The following LRIF1 variants were observed in gnomAD, a reference collection of about 807,000 sequenced individuals.
The protein encoded by LRIF1 is ligand dependent nuclear receptor interacting factor 1, also known as ligand-dependent nuclear receptor-interacting factor 1.
Under a neutral mutation model 52.7 loss-of-function variants are expected in LRIF1, and 32 were observed. The ratio of observed to expected loss-of-function variants is 0.61; its 90% CI spans 0.46 to 0.82. The LOEUF is 0.82. Ranked by LOEUF, LRIF1 falls within the 40% of genes least tolerant of loss-of-function variation. The probability of loss-of-function intolerance (pLI) is 0.00; values close to 1 mark genes in which losing one functional copy is unlikely to be tolerated. For synonymous variants in LRIF1, 323 were observed against 317.4 expected (o/e 1.02, Z -0.19); for missense variants, 887 against 892.0 (o/e 0.99, Z 0.07).
the LRIF1 span, among the ~76,000 whole-genome samples, chr1:110,883,880 C>A: frequency 6.6e-6 from 1 of 151,782 alleles, no homozygotes; most frequent in Non-Finnish European, 1.5e-5. Flanking sequence ...TAGTGTTGTT[C>A]TCTCAATCCT....
the LRIF1 span, among the ~76,000 whole-genome samples, chr1:110,894,132 G>A: frequency 6.6e-6 from 1 of 152,210 alleles, no homozygotes; most frequent in East Asian, 1.9e-4. Context: ...GAAGACAGTT[G>A]ATCTGCCCTC....
chr1:110,950,064 TTTC>T lies in LRIF1; in HGVS notation c.1653_1655del (p.Lys552del), dbSNP rs780740908. ...CCTTATTACTTCTTCCTTGAGAATC[TTTC>T]TTGTCATTTCTTCCTTGGGCACCTT... On this transcript the variant is annotated inframe_deletion, in exon 3 of 4. Transcript: ENST00000369763. 4 of 1,614,030 alleles carry T rather than the reference TTTC, an allele frequency of 2.5e-6. No homozygotes were observed. In the East Asian group the frequency reaches 6.7e-5, roughly 27 times the overall value.
the LRIF1 span, among the ~76,000 whole-genome samples, chr1:110,928,850 G>A: frequency 6.6e-6 from 1 of 152,118 alleles, no homozygotes; most frequent in Non-Finnish European, 1.5e-5. Context: ...CAGACAGATG[G>A]GGAAAATTAA....
chr1:110,876,034 G>C, the LRIF1 span, among the ~76,000 whole-genome samples: 2 of 152,140 alleles, frequency 1.3e-5, no homozygotes, highest in Non-Finnish European at 2.9e-5. Context: ...TATGACACAA[G>C]CATACATTTT....
chr1:110,895,356 T>G, the LRIF1 span, among the ~76,000 whole-genome samples: 1 of 152,204 alleles, frequency 6.6e-6, no homozygotes, highest in South Asian at 2.1e-4. Flanking sequence ...TTTCCAAAAT[T>G]TTACTGAAAA....
chr1:110,922,901 C>A, the LRIF1 span, among the ~76,000 whole-genome samples: 129 of 152,330 alleles, frequency 8.5e-4, no homozygotes, highest in Middle Eastern at 3.4e-3. Flanking sequence ...CCAGACTCTG[C>A]TTCCATCGTA....
chr1:110,892,368 C>T, the LRIF1 span: 4 of 1,613,950 alleles, frequency 2.5e-6, no homozygotes, highest in Non-Finnish European at 3.4e-6. Flanking sequence ...GCATTTTGGG[C>T]TTTGGGATCT....
At chr1:110,917,172 C>T in the LRIF1 span, among the ~76,000 whole-genome samples, 2 of 152,314 alleles carry the variant, frequency 1.3e-5, no homozygotes, top group Admixed American at 1.3e-4. Context: ...AAAGTTTCTC[C>T]TGCAGGACAC....
At chr1:110,915,146 A>G in the LRIF1 span, among the ~76,000 whole-genome samples, 1 of 152,248 alleles carries the variant, frequency 6.6e-6, no homozygotes, top group Non-Finnish European at 1.5e-5. Flanking sequence ...TTCTAACAAC[A>G]TAGATGAATC....
the LRIF1 span, among the ~76,000 whole-genome samples, chr1:110,902,517 A>AAAAAAAAAAAAAAG: frequency 3.1e-4 from 32 of 104,664 alleles, no homozygotes; most frequent in Non-Finnish European, 5.8e-4. Context: ...AAAAAAAAAA[A>AAAAAAAAAAAAAAG]AAAGAAATAC....
intron 1 of LRIF1, among the ~76,000 whole-genome samples, chr1:110,960,952 A>G (rs982343561): frequency 1.3e-5 from 2 of 152,184 alleles, no homozygotes; most frequent in African/African-American, 2.4e-5. Context: ...CCTATTTCCA[A>G]TAGATGAAGT....
At position 110,950,020 on chromosome 1, in the gene LRIF1, T is replaced by C. The variant is rs762469750; in HGVS notation, c.1700A>G (p.Asp567Gly). ...GCCAAATATCTTTTTAAATTCAGCA[T>C]CACTCTTCAGATGTAATGCCTTATT... ...RSNKALHLKS[D>G]AEFKKIFGLT... Residue 567 changes from aspartate (D) to glycine (G), a missense_variant, in exon 3 of 4, where the codon GAT becomes GGT. Coordinates refer to ENST00000369763, the MANE Select transcript of LRIF1 (RefSeq NM_018372.4). The C allele has an allele frequency of 3.1e-6, 5 of 1,614,024 alleles. No homozygotes were observed. The highest frequency in any genetic ancestry group is 3.4e-6 in the Non-Finnish European group (4 of 1,180,008).
chr1:110,939,491 A>G, the LRIF1 span: 1 of 151,980 alleles, frequency 6.6e-6, no homozygotes, highest in Non-Finnish European at 1.5e-5. Flanking sequence ...AAAACTATCC[A>G]AAAACTTATA....
At chr1:110,891,547 GCTGGTGTGGGGTAA>G in the LRIF1 span, 2 of 1,114,208 alleles carry the variant, frequency 1.8e-6, no homozygotes, top group Non-Finnish European at 2.7e-6. Context: ...TACTGAAGAG[GCTGGTGTGGGGTAA>G]AATGCATGCG....
chr1:110,957,821 T>C (rs896108005), intron 1 of LRIF1, among the ~76,000 whole-genome samples: 5 of 152,230 alleles, frequency 3.3e-5, no homozygotes, highest in African/African-American at 1.2e-4. Flanking sequence ...GAACCTTGCA[T>C]ATGTCCTTAC....
chr1:110,882,549 C>T, the LRIF1 span, among the ~76,000 whole-genome samples: 1 of 151,950 alleles, frequency 6.6e-6, no homozygotes, highest in Non-Finnish European at 1.5e-5. Context: ...TTTTACTATT[C>T]TAAGTCTTTT....
chr1:110,946,540 C>A (rs948835569), downstream of LRIF1, among the ~76,000 whole-genome samples: 41 of 151,590 alleles, frequency 2.7e-4, no homozygotes, highest in African/African-American at 9.7e-4. Context: ...GCAGCAAAAT[C>A]TAGCTGATCT....
At chr1:110,890,717 A>T in the LRIF1 span, among the ~76,000 whole-genome samples, 1 of 152,236 alleles carries the variant, frequency 6.6e-6, no homozygotes, top group Non-Finnish European at 1.5e-5. Flanking sequence ...TGAAAAAAAT[A>T]AAGCTTACAT....
the LRIF1 span, among the ~76,000 whole-genome samples, chr1:110,890,997 TTTC>T: frequency 1.3e-5 from 2 of 152,270 alleles, no homozygotes; most frequent in Non-Finnish European, 2.9e-5. Flanking sequence ...AGCTGTTGGC[TTTC>T]TTGATGGCTG....
Sources: allele counts gnomAD v4.1 joint callset (sites outside exome capture counted in the v4.1 genomes callset), GRCh38; gene constraint gnomAD v4.1.1; transcripts MANE v1.5; gene names NCBI Gene and HGNC (gene_info 2026-07-23, HGNC 2026-07-21).